The following SLC38A2 variants were observed in gnomAD, a reference collection of about 807,000 sequenced individuals.
SLC38A2 encodes the protein solute carrier family 38 member 2, also known as sodium-coupled neutral amino acid symporter 2.
A neutral mutation model predicts 61.5 loss-of-function variants in SLC38A2; 11 were observed. That is an observed-to-expected ratio of 0.18 (90% CI 0.11 to 0.30). The LOEUF is 0.30. Ranked by LOEUF, SLC38A2 falls within the 10% of genes least tolerant of loss-of-function variation. SLC38A2 has a pLI of 1.00. For synonymous variants in SLC38A2, 217 were observed against 212.5 expected (o/e 1.02, Z -0.18); for missense variants, 522 against 600.4 (o/e 0.87, Z 1.36).
In SLC38A2 at chr12:46,362,359, C is replaced by T. The variant is rs906315305; in HGVS notation, c.1347G>A (p.Leu449=). The change falls in exon 15 of 16, where the codon TTG becomes TTA. Residue 449 remains leucine, a synonymous_variant. Transcript: ENST00000256689. ...GFIGASAASM[L]IFILPSAFYI... is the part of the protein sequence containing the mutation. ...AGAAGGCAGAAGGAAGAATAAAAAT[C>T]AACATAGAAGCTGCAGATGCACCTG... 2 of 1,611,812 alleles carry T rather than the reference C, an allele frequency of 1.2e-6. No individual in the cohort carries two copies. Among genetic ancestry groups the T allele is most frequent in the Non-Finnish European group, 1.7e-6 (2 of 1,178,958 alleles).
intron 7 of SLC38A2, among the ~76,000 whole-genome samples, chr12:46,365,527 T>A (rs1220023605): frequency 6.6e-6 from 1 of 152,168 alleles, no homozygotes; most frequent in African/African-American, 2.4e-5. Flanking sequence ...AGTAATCTTA[T>A]CTTTAAGCAC....
intron 4 of SLC38A2, 136 bp downstream of exon 4, chr12:46,370,372 TGGGG>T: frequency 1.6e-6 from 1 of 644,862 alleles, no homozygotes; most frequent in South Asian, 1.9e-5. Context: ...AGAGATTTTT[TGGGG>T]TTTCTCATAC....
intron 2 of SLC38A2, 40 bp from the exon 3 acceptor site, chr12:46,370,897 G>T: frequency 6.9e-7 from 1 of 1,457,514 alleles, no homozygotes; most frequent in Non-Finnish European, 9.5e-7. Flanking sequence ...AAACTGGATT[G>T]AAATATCTAT....
In SLC38A2 at chr12:46,371,158, A is replaced by C. The variant is rs1943192837; in HGVS notation, c.116+20T>G. 1.9e-6 allele frequency: 3 copies of C among 1,610,918 alleles called. No individual in the cohort carries two copies. Among genetic ancestry groups the C allele is most frequent in the South Asian group, 1.1e-5 (1 of 91,030 alleles). ...AACCCATGCAAGCCGTTTTTTCAAA[A>C]GTGTCACAACTTCTCCCACCTTTTC... On this transcript the variant is annotated intron_variant, in intron 2 of 15. Coordinates refer to ENST00000256689, the MANE Select transcript of SLC38A2 (RefSeq NM_018976.5).
intron 7 of SLC38A2, among the ~76,000 whole-genome samples, chr12:46,366,565 G>A (rs1267353072): frequency 3.3e-5 from 5 of 152,044 alleles, no homozygotes; most frequent in East Asian, 3.8e-4. Flanking sequence ...CCTCACTTAG[G>A]ATATATATTA....
At chr12:46,372,333 C>T in intron 1 of SLC38A2, 176 bp downstream of exon 1, 1 of 210,318 alleles carries the variant, frequency 4.8e-6, no homozygotes, top group East Asian at 9.3e-5. Flanking sequence ...ACGTCGCGGG[C>T]GCGACACCCG....
At chr12:46,364,605 C>G in intron 9 of SLC38A2, 39 bp downstream of exon 9, 1 of 1,595,042 alleles carries the variant, frequency 6.3e-7, no homozygotes, top group East Asian at 2.2e-5. Flanking sequence ...CATGGCAGGG[C>G]TTATAAAAAA....
In SLC38A2 at chr12:46,369,909, A is replaced by G. The variant is rs187711194; in HGVS notation, c.314+603T>C. ...AAAATAAGTACTTACTAAAGTATTC[A>G]TTTTTTGCCACAACATGTGGCAATC... On this transcript the variant is annotated intron_variant, in intron 4 of 15. Transcript: ENST00000256689. 2.6e-5 allele frequency among the ~76,000 whole-genome samples: 4 copies of G among 152,220 alleles called. No homozygotes were observed. The East Asian group carries it at 7.7e-4, about 29-fold the overall frequency.
rs897582374 is a variant in SLC38A2 at position 46,360,242 on chromosome 12, T to C, written c.*869A>G. 1.3e-5 allele frequency: 2 copies of C among 152,648 alleles called. No homozygotes were observed. The highest frequency in any genetic ancestry group is 4.8e-5 in the African/African-American group (2 of 41,458). 9.5% of individuals were successfully genotyped at this position (152,648 alleles called of 1,614,324 possible). ...ATTTGGTACCTCAAAATTAGTTATT[T>C]TATTTCCCACAGAAATATCTGCATT... On this transcript the variant is annotated 3_prime_UTR_variant, in exon 16 of 16. Coordinates refer to ENST00000256689, the MANE Select transcript of SLC38A2 (RefSeq NM_018976.5).
rs1943050995 is a variant in SLC38A2 at position 46,358,875 on chromosome 12, A to G, written c.*2236T>C. ...GAGGTGACAAGACAGTGGTTTTAAT[A>G]CTGAAGACTGCTCATTAATGGGAAT... is the stretch of plus-strand genomic sequence containing the variant. On this transcript the variant is annotated 3_prime_UTR_variant, in exon 16 of 16. Transcript: ENST00000256689. 6.6e-6 allele frequency: 1 copy of G among 152,608 alleles called. No homozygotes were observed. Among genetic ancestry groups the G allele is most frequent in the Non-Finnish European group, 1.5e-5 (1 of 68,022 alleles). 9.5% of individuals were successfully genotyped at this position (152,608 alleles called of 1,614,324 possible).
chr12:46,370,446 G>A, intron 4 of SLC38A2, 66 bp downstream of exon 4: 1 of 1,223,200 alleles, frequency 8.2e-7, no homozygotes, highest in Non-Finnish European at 1.2e-6. Context: ...TCAGTTTCTG[G>A]AGCCAAAATA....
At chr12:46,362,237 A>G (rs933964076) in intron 15 of SLC38A2, 47 bp downstream of exon 15, 2 of 1,419,276 alleles carry the variant, frequency 1.4e-6, no homozygotes, top group Non-Finnish European at 1.9e-6. Context: ...CAGTTGGGGA[A>G]ATTTATGATA....
In SLC38A2 at chr12:46,363,952, C is replaced by T. The variant is rs930927093; in HGVS notation, c.925G>A (p.Val309Ile). ...TTCAGTTCTTCATAGATGGGAAGAA[C>T]AGCAGGATGACAGACAAATGAAAAG... ...LIFSFVCHPA[V>I]LPIYEELKDR... Residue 309 changes from valine to isoleucine, a missense_variant, in exon 11 of 16, where the codon GTT becomes ATT. Physicochemically the swap from Val to Ile is conservative, Grantham distance 29. Around this residue, in one of 3 missense-constraint regions of SLC38A2, gnomAD observed 309 missense variants for 343.9 expected, o/e 0.90. Transcript: ENST00000256689. 3.1e-6 allele frequency: 5 copies of T among 1,612,076 alleles called. No homozygotes were observed. Among genetic ancestry groups the T allele is most frequent in the Non-Finnish European group, 4.2e-6 (5 of 1,178,962 alleles).
chr12:46,362,215 T>C (rs922697730), intron 15 of SLC38A2, 69 bp downstream of exon 15: 40 of 1,262,860 alleles, frequency 3.2e-5, no homozygotes, highest in Non-Finnish European at 4.2e-5. Flanking sequence ...GCTATGAGAA[T>C]AAAATTAAAA....
rs1283808070 is a variant in SLC38A2 at position 46,359,635 on chromosome 12, C to T, written c.*1476G>A. The T allele has an allele frequency of 6.6e-6, 1 of 152,514 alleles. No homozygotes were observed. The highest frequency in any genetic ancestry group is 1.5e-5 in the Non-Finnish European group (1 of 68,024). 9.4% of individuals were successfully genotyped at this position (152,514 alleles called of 1,614,324 possible). A position where few individuals can be genotyped will look rare whatever the true frequency, so the allele number is the denominator to read the frequency against. ...ATTATGCCTGATGAGCGAAGTACCA[C>T]ATTATTTAATAATATATTCACCATA... is the stretch of plus-strand genomic sequence containing the variant. On this transcript the variant is annotated 3_prime_UTR_variant, in exon 16 of 16. Coordinates refer to ENST00000256689, the MANE Select transcript of SLC38A2 (RefSeq NM_018976.5).
rs986316253 is a variant in SLC38A2, at chr12:46,358,786, T to C, written c.*2325A>G. 3 of 152,644 alleles carry C rather than the reference T, an allele frequency of 2.0e-5. No individual in the cohort carries two copies. Among genetic ancestry groups the C allele is most frequent in the African/African-American group, 4.8e-5 (2 of 41,468 alleles). The allele number at this position is 152,644 out of a possible 1,614,324, so 9.5% of individuals were successfully genotyped here. Reference sequence around the variant, plus strand: ...AAATAGGTTAGCTTTAATGGATTAATGTTGTTCTATAAATAACATTACAGT... The same window carrying C: ...AAATAGGTTAGCTTTAATGGATTAACGTTGTTCTATAAATAACATTACAGT... On this transcript the variant is annotated 3_prime_UTR_variant, in exon 16 of 16. Transcript: ENST00000256689.
chr12:46,372,314 C>A (rs1943213796), intron 1 of SLC38A2, 195 bp downstream of exon 1: 1 of 194,950 alleles, frequency 5.1e-6, no homozygotes, highest in African/African-American at 2.3e-5. Context: ...AGCGCCCGCT[C>A]TCCTACCCAC....
intron 7 of SLC38A2, 90 bp downstream of exon 7, chr12:46,366,774 C>CTAA (rs3832874): frequency 0.63 from 728,573 of 1,157,432 alleles, 235,501 homozygotes; most frequent in African/African-American, 0.89. Context: ...GGATAATTAA[C>CTAA]TAATCATTTT....
At chr12:46,365,391 C>T (rs1487485691) in intron 7 of SLC38A2, 28 of 606,054 alleles carry the variant, frequency 4.6e-5, no homozygotes, top group East Asian at 2.8e-4. Flanking sequence ...GGTTAGAAGT[C>T]GGGTATAAAA....
Sources: gnomAD v4.1 joint callset for allele counts (sites outside exome capture counted in the v4.1 genomes callset) on GRCh38, gnomAD v4.1.1 for gene constraint, gnomAD v4.1.1 regional missense constraint, MANE v1.5 for transcripts, NCBI Gene and HGNC (gene_info 2026-07-23, HGNC 2026-07-21) for gene names.